MAPKAP1: variants seen among roughly 807,000 people sequenced by gnomAD.
MAPKAP1 encodes target of rapamycin complex 2 subunit MAPKAP1.
Under a neutral mutation model 65.7 loss-of-function variants are expected in MAPKAP1, and 20 were observed. That is an observed-to-expected ratio of 0.30 (90% CI 0.21 to 0.44). The LOEUF is 0.44. Among genes scored for constraint, MAPKAP1 ranks in the 20% least tolerant of loss-of-function variants. The pLI is 1.00. For missense variants in MAPKAP1, 423 were observed against 648.0 expected, an observed-to-expected ratio of 0.65 and a Z score of 3.77; for synonymous variants, 222 against 244.3, an observed-to-expected ratio of 0.91 and a Z score of 0.85.
At chr9:125,473,901 T>C (rs938419525) in intron 9 of MAPKAP1, among the ~76,000 whole-genome samples, 1 of 152,188 alleles carries the variant, frequency 6.6e-6, no homozygotes, top group African/African-American at 2.4e-5. Flanking sequence ...GAAAAACTTC[T>C]ATAAAACGGA....
At chr9:125,655,330 T>C (rs916709524) in intron 4 of MAPKAP1, among the ~76,000 whole-genome samples, 2 of 152,194 alleles carry the variant, frequency 1.3e-5, no homozygotes, top group Admixed American at 6.5e-5. Flanking sequence ...ATCTGGAAAT[T>C]ATTAAGAGTC....
intron 8 of MAPKAP1, among the ~76,000 whole-genome samples, chr9:125,502,668 C>A (rs1829020053): frequency 6.6e-6 from 1 of 152,092 alleles, no homozygotes; most frequent in East Asian, 1.9e-4. Context: ...TGATTTCAAT[C>A]TTTTGATATG....
At chr9:125,514,633 G>A (rs1829407644) in intron 7 of MAPKAP1, among the ~76,000 whole-genome samples, 1 of 152,184 alleles carries the variant, frequency 6.6e-6, no homozygotes, top group Admixed American at 6.5e-5. Flanking sequence ...AGGAGGAGCT[G>A]AGGCTGAGAA....
At chr9:125,686,488 A>G (rs1293928276) in intron 1 of MAPKAP1, among the ~76,000 whole-genome samples, 5 of 152,224 alleles carry the variant, frequency 3.3e-5, no homozygotes, top group Admixed American at 3.3e-4. Context: ...TCTGTTAAAT[A>G]GCATGGCTGA....
chr9:125,647,921 C>G (rs1833775665), intron 4 of MAPKAP1, among the ~76,000 whole-genome samples: 1 of 146,556 alleles, frequency 6.8e-6, no homozygotes, highest in Non-Finnish European at 1.5e-5. Flanking sequence ...TTCCCCTTCC[C>G]CAGTCCCAAT....
chr9:125,673,355 T>C (rs1238429286), intron 1 of MAPKAP1, among the ~76,000 whole-genome samples: 6 of 152,156 alleles, frequency 3.9e-5, no homozygotes, highest in African/African-American at 1.2e-4. Context: ...GCCTCCCGCG[T>C]AGCTGGGATT....
chr9:125,594,025 CTCTT>C (rs1469162479), intron 4 of MAPKAP1, among the ~76,000 whole-genome samples: 1 of 152,196 alleles, frequency 6.6e-6, no homozygotes, highest in Non-Finnish European at 1.5e-5. Context: ...ATCCTAATTC[CTCTT>C]TCTGTCTCAC....
At chr9:125,599,199 C>T (rs1037492235) in intron 4 of MAPKAP1, among the ~76,000 whole-genome samples, 2 of 152,066 alleles carry the variant, frequency 1.3e-5, no homozygotes, top group African/African-American at 4.8e-5. Context: ...TTTGAAACTA[C>T]AAGAAATCTG....
intron 6 of MAPKAP1, among the ~76,000 whole-genome samples, chr9:125,554,294 T>G (rs1356885459): frequency 6.6e-6 from 1 of 152,142 alleles, no homozygotes; most frequent in Non-Finnish European, 1.5e-5. Flanking sequence ...TACACAAGTA[T>G]CAGTCAGGCA....
At chr9:125,531,989 T>C (rs1346997864) in intron 7 of MAPKAP1, among the ~76,000 whole-genome samples, 5 of 152,202 alleles carry the variant, frequency 3.3e-5, no homozygotes, top group Non-Finnish European at 4.4e-5. Flanking sequence ...CACTTGGCAA[T>C]TGCAGCTCCC....
intron 5 of MAPKAP1, among the ~76,000 whole-genome samples, chr9:125,578,388 C>T (rs1589306275): frequency 6.6e-6 from 1 of 151,562 alleles, no homozygotes; most frequent in East Asian, 1.9e-4. Context: ...TGTGACCCTG[C>T]CAAATCCCCC....
At chr9:125,630,206 G>C (rs1166987127) in intron 4 of MAPKAP1, among the ~76,000 whole-genome samples, 4 of 152,162 alleles carry the variant, frequency 2.6e-5, no homozygotes, top group African/African-American at 9.7e-5. Flanking sequence ...GCTCACCGCA[G>C]CCTCGACTTC....
chr9:125,484,318 T>C, intron 9 of MAPKAP1, 125 bp downstream of exon 9: 20 of 1,032,070 alleles, frequency 1.9e-5, no homozygotes, highest in Non-Finnish European at 2.7e-5. Context: ...TGTTTAAACA[T>C]TTTCTCAGAA....
At chr9:125,508,496 C>T (rs924346183) in intron 7 of MAPKAP1, among the ~76,000 whole-genome samples, 1 of 152,182 alleles carries the variant, frequency 6.6e-6, no homozygotes, top group Non-Finnish European at 1.5e-5. Context: ...TGTGCAGAAG[C>T]AACTGACATC....
chr9:125,692,824 A>G (rs951060722), intron 1 of MAPKAP1, among the ~76,000 whole-genome samples: 5 of 152,214 alleles, frequency 3.3e-5, no homozygotes, highest in Non-Finnish European at 7.3e-5. Flanking sequence ...AATCTGTAAT[A>G]TAAGTTGATT....
Position 125,705,971 on chromosome 9 carries a change from G to T in MAPKAP1, c.-70+1000C>A, listed in dbSNP as rs1408126968. ...AGGAGCCAGATTAGGAGATGTAAGGGGGTGTAAGTGCAGTCTGGGACACAC... is the reference window on the plus strand; with the variant it reads ...AGGAGCCAGATTAGGAGATGTAAGGTGGTGTAAGTGCAGTCTGGGACACAC... On this transcript the variant is annotated intron_variant, in intron 1 of 11. Transcript: ENST00000265960. Among the ~76,000 whole-genome samples the T allele has an allele frequency of 2.0e-5, 3 of 152,160 alleles. No homozygotes were observed. In the East Asian group the frequency reaches 5.8e-4, roughly 29 times the overall value.
chr9:125,488,538 A>G (rs1196647790), intron 8 of MAPKAP1, among the ~76,000 whole-genome samples: 4 of 151,962 alleles, frequency 2.6e-5, no homozygotes, highest in Non-Finnish European at 5.9e-5. Context: ...GAGAGATGGG[A>G]TTTCGCCTTG....
intron 9 of MAPKAP1, among the ~76,000 whole-genome samples, chr9:125,473,296 T>C (rs1853992984): frequency 6.6e-6 from 1 of 152,010 alleles, no homozygotes; most frequent in Non-Finnish European, 1.5e-5. Flanking sequence ...GTCAGCCCCT[T>C]CTCTTGGAAA....
chr9:125,675,279 CA>C, intron 1 of MAPKAP1, among the ~76,000 whole-genome samples: 1 of 152,120 alleles, frequency 6.6e-6, no homozygotes, highest in Non-Finnish European at 1.5e-5. Context: ...TGATCTTAGC[CA>C]AAAGGCCGAG....
Sources: gnomAD v4.1 joint callset for allele counts (sites outside exome capture counted in the v4.1 genomes callset) on GRCh38, gnomAD v4.1.1 for gene constraint, MANE v1.5 for transcripts, NCBI Gene and HGNC (gene_info 2026-07-23, HGNC 2026-07-21) for gene names.